The following SLC30A7 variants were observed in gnomAD, a reference collection of about 807,000 sequenced individuals.
SLC30A7 encodes zinc transporter 7.
Under a neutral mutation model 46.0 loss-of-function variants are expected in SLC30A7, and 35 were observed. The ratio of observed to expected loss-of-function variants is 0.76; its 90% CI spans 0.58 to 1.01. The LOEUF is 1.01. Among genes scored for constraint, SLC30A7 ranks in the 50% least tolerant of loss-of-function variants. SLC30A7 has a pLI of 0.00. For missense variants in SLC30A7, 464 were observed against 451.1 expected, an observed-to-expected ratio of 1.03 and a Z score of -0.26; for synonymous variants, 147 against 157.8, an observed-to-expected ratio of 0.93 and a Z score of 0.51.
chr1:100,907,821 C>T (rs1254832888), intron 3 of SLC30A7, among the ~76,000 whole-genome samples: 1 of 152,020 alleles, frequency 6.6e-6, no homozygotes, highest in Non-Finnish European at 1.5e-5. Flanking sequence ...CTTACTCTCT[C>T]TTATCTTCTC....
chr1:100,905,826 A>G (rs1008331338), intron 2 of SLC30A7, among the ~76,000 whole-genome samples: 8 of 152,140 alleles, frequency 5.3e-5, no homozygotes, highest in African/African-American at 1.9e-4. Context: ...CCTTTGACAT[A>G]TTAATTGTAT....
intron 8 of SLC30A7, among the ~76,000 whole-genome samples, chr1:100,932,392 G>A (rs1483622031): frequency 3.3e-5 from 5 of 152,208 alleles, no homozygotes; most frequent in Admixed American, 1.3e-4. Context: ...TTCAGCCTGC[G>A]TGACAGAGCA....
the SLC30A7 span, chr1:100,990,765 C>A: frequency 1.3e-6 from 1 of 771,678 alleles, no homozygotes; most frequent in African/African-American, 1.8e-5. Flanking sequence ...ACTTATGGAC[C>A]AGTTATCCAT....
At chr1:100,984,295 T>C (rs1038573976), downstream of SLC30A7, among the ~76,000 whole-genome samples, 2 of 152,168 alleles carry the variant, frequency 1.3e-5, no homozygotes, top group Non-Finnish European at 2.9e-5. Context: ...TATGAAATAG[T>C]ATCAGAGTAG....
chr1:100,896,552 C>T lies in SLC30A7; in HGVS notation c.81-18C>T. ...CTCCTTAACTCTCCCGGCTCTTTTC[C>T]ACGTGTATCATTCCCAGGTCTATAC... On this transcript the variant is annotated intron_variant, in intron 1 of 10. Transcript: ENST00000357650. The T allele has an allele frequency of 6.2e-7, 1 of 1,609,602 alleles. No homozygotes were observed. The highest frequency in any genetic ancestry group is 1.1e-5 in the South Asian group (1 of 90,844).
rs1463569174 is a variant in SLC30A7, at chr1:100,896,173, C to T, written c.-90C>T. On this transcript the variant is annotated 5_prime_UTR_variant, in exon 1 of 11. Coordinates refer to ENST00000357650, the MANE Select transcript of SLC30A7 (RefSeq NM_133496.5). ...CGGCCCCGGACAAGCGCTGGGGATT[C>T]CCGTTTGAGGCGTCACTACTGTCAC... The T allele has an allele frequency of 7.8e-6, 9 of 1,147,924 alleles. No individual in the cohort carries two copies. Among genetic ancestry groups the T allele is most frequent in the Admixed American group, 3.6e-5 (2 of 55,628 alleles). 71.1% of individuals were successfully genotyped at this position (1,147,924 alleles called of 1,614,324 possible).
chr1:100,910,939 T>G lies in SLC30A7; in HGVS notation c.297-124T>G, dbSNP rs1023771462. Reference sequence around the variant, plus strand: ...ATAAAATGCACTGTACTATAAACACTAGGGCTTCGCTGGCCACTTATAACC... The same window carrying G: ...ATAAAATGCACTGTACTATAAACACGAGGGCTTCGCTGGCCACTTATAACC... On this transcript the variant is annotated intron_variant, in intron 3 of 10. Transcript: ENST00000357650. 5 of 678,792 alleles carry G rather than the reference T, an allele frequency of 7.4e-6. No individual in the cohort carries two copies. In the African/African-American group the frequency reaches 9.1e-5, roughly 12 times the overall value. The allele number at this position is 678,792 out of a possible 1,614,324, so 42.0% of individuals were successfully genotyped here. A position where few individuals can be genotyped will look rare whatever the true frequency, so the allele number is the denominator to read the frequency against.
At chr1:100,954,000 A>G (rs916579396) in intron 8 of SLC30A7, among the ~76,000 whole-genome samples, 1 of 152,172 alleles carries the variant, frequency 6.6e-6, no homozygotes, top group African/African-American at 2.4e-5. Context: ...CTTCACTGTT[A>G]TGCTATTTAG....
intron 8 of SLC30A7, among the ~76,000 whole-genome samples, chr1:100,948,608 C>T (rs758648860): frequency 7.9e-5 from 12 of 152,140 alleles, no homozygotes; most frequent in African/African-American, 1.2e-4. Context: ...AGGTTGGGGA[C>T]GTTCTCCTGG....
the SLC30A7 span, among the ~76,000 whole-genome samples, chr1:100,988,680 T>TACAC: frequency 1.5e-4 from 22 of 150,916 alleles, 1 homozygote; most frequent in South Asian, 4.4e-3. Context: ...ACCCCATCTC[T>TACAC]ACACACACAC....
In SLC30A7 at chr1:100,906,978, G is replaced by GA. The variant is rs745779079; in HGVS notation, c.296+21dup. The GA allele has an allele frequency of 1.8e-5, 27 of 1,524,664 alleles. No individual in the cohort carries two copies. In the Middle Eastern group the frequency reaches 1.2e-3, roughly 68 times the overall value. 94.4% of individuals were successfully genotyped at this position (1,524,664 alleles called of 1,614,324 possible). ...CTTTCTCCTATGGGTAAGACTTTAA[G>GA]AAAAAAAATCTTTTTATTGAAGTAT... On this transcript the variant is annotated intron_variant, in intron 3 of 10. Coordinates refer to ENST00000357650, the MANE Select transcript of SLC30A7 (RefSeq NM_133496.5).
intron 8 of SLC30A7, among the ~76,000 whole-genome samples, chr1:100,931,270 C>A (rs1239799309): frequency 6.6e-6 from 1 of 152,156 alleles, no homozygotes; most frequent in Non-Finnish European, 1.5e-5. Context: ...AGTACAACTA[C>A]CAATAAACTG....
intron 8 of SLC30A7, among the ~76,000 whole-genome samples, chr1:100,956,894 C>T (rs1462976857): frequency 6.6e-6 from 1 of 152,204 alleles, no homozygotes; most frequent in African/African-American, 2.4e-5. Context: ...GCTTTAAATT[C>T]ATATGTGCCT....
At chr1:100,956,517 ACTGT>A (rs1038950798) in intron 8 of SLC30A7, among the ~76,000 whole-genome samples, 2 of 152,170 alleles carry the variant, frequency 1.3e-5, no homozygotes, top group African/African-American at 4.8e-5. Context: ...AGACTGTTGG[ACTGT>A]CTAAGGGAAT....
chr1:100,966,134 AGGAG>A (rs557457206), intron 10 of SLC30A7, among the ~76,000 whole-genome samples: 36 of 151,704 alleles, frequency 2.4e-4, no homozygotes, highest in Non-Finnish European at 5.2e-4. Flanking sequence ...AGGCTGAGGC[AGGAG>A]GGTTGCTGGA....
intron 2 of SLC30A7, 80 bp downstream of exon 2, chr1:100,896,751 C>A: frequency 8.2e-7 from 1 of 1,212,890 alleles, no homozygotes; most frequent in South Asian, 1.3e-5. Flanking sequence ...CCACGTAGCT[C>A]CTCACTAGGA....
chr1:100,974,156 C>T (rs1407136608), intron 10 of SLC30A7, among the ~76,000 whole-genome samples: 2 of 152,030 alleles, frequency 1.3e-5, no homozygotes, highest in African/African-American at 2.4e-5. Flanking sequence ...GGATATATTG[C>T]GTAGTAGTGA....
intron 8 of SLC30A7, 89 bp from the exon 9 acceptor site, chr1:100,961,739 T>G (rs1655564315): frequency 3.1e-6 from 2 of 636,236 alleles, no homozygotes; most frequent in Non-Finnish European, 5.4e-6. Flanking sequence ...CCTATTATAT[T>G]CTACCGTAGG....
chr1:100,908,314 A>G (rs1651828218), intron 3 of SLC30A7, among the ~76,000 whole-genome samples: 1 of 152,204 alleles, frequency 6.6e-6, no homozygotes, highest in Non-Finnish European at 1.5e-5. Context: ...TTGAGGGTCC[A>G]TATGAGTCAA....
Sources: allele counts gnomAD v4.1 joint callset (sites outside exome capture counted in the v4.1 genomes callset), GRCh38; gene constraint gnomAD v4.1.1; transcripts MANE v1.5; gene names NCBI Gene and HGNC (gene_info 2026-07-23, HGNC 2026-07-21).